FAM135B: variants seen among roughly 807,000 people sequenced by gnomAD.
FAM135B encodes the protein protein FAM135B.
FAM135B carries 43 observed loss-of-function variants against 127.7 expected under a neutral mutation model. That is an observed-to-expected ratio of 0.34 (90% CI 0.26 to 0.43). The LOEUF (loss-of-function observed/expected upper bound fraction) is 0.43. FAM135B is among the 20% of genes least tolerant of loss of function. FAM135B has a pLI of 1.00. For synonymous variants in FAM135B, 670 were observed against 665.1 expected (o/e 1.01, Z -0.11); for missense variants, 1,558 against 1,725.6 (o/e 0.90, Z 1.72).
At chr8:138,227,416 C>G (rs1271898249) in intron 7 of FAM135B, among the ~76,000 whole-genome samples, 1 of 152,232 alleles carries the variant, frequency 6.6e-6, no homozygotes, top group Non-Finnish European at 1.5e-5. Context: ...TCCAGCCCTG[C>G]TGGGACCTGC....
intron 1 of FAM135B, among the ~76,000 whole-genome samples, chr8:138,393,881 G>A (rs1832723401): frequency 6.6e-6 from 1 of 152,182 alleles, no homozygotes; most frequent in Non-Finnish European, 1.5e-5. Flanking sequence ...ACCCATATCT[G>A]GAACCCAGGC....
At chr8:138,339,099 G>A (rs1187635196) in intron 2 of FAM135B, among the ~76,000 whole-genome samples, 4 of 147,174 alleles carry the variant, frequency 2.7e-5, no homozygotes, top group East Asian at 2.0e-4. Context: ...ATCACACACC[G>A]GGGCCTGTCA....
chr8:138,202,533 T>C (rs1175179656), intron 7 of FAM135B, among the ~76,000 whole-genome samples: 1 of 152,192 alleles, frequency 6.6e-6, no homozygotes, highest in Non-Finnish European at 1.5e-5. Flanking sequence ...ATTCCAGGCA[T>C]GAGCCATGCC....
chr8:138,486,761 G>A (rs551742735), intron 1 of FAM135B, among the ~76,000 whole-genome samples: 1 of 152,268 alleles, frequency 6.6e-6, no homozygotes, highest in East Asian at 1.9e-4. Flanking sequence ...TACCTGCTCA[G>A]CCAATCACTT....
chr8:138,266,989 G>A (rs1392494373), intron 3 of FAM135B, among the ~76,000 whole-genome samples: 1 of 152,058 alleles, frequency 6.6e-6, no homozygotes, highest in Non-Finnish European at 1.5e-5. Context: ...AACCCATAAG[G>A]TAAATTTTAC....
intron 2 of FAM135B, among the ~76,000 whole-genome samples, chr8:138,334,221 C>T (rs1161241798): frequency 6.6e-6 from 1 of 152,146 alleles, no homozygotes; most frequent in Admixed American, 6.5e-5. Context: ...CCATGTCCGG[C>T]CCCATCTCTC....
intron 19 of FAM135B, among the ~76,000 whole-genome samples, chr8:138,135,561 A>G (rs1346375126): frequency 6.6e-6 from 1 of 152,220 alleles, no homozygotes; most frequent in Non-Finnish European, 1.5e-5. Flanking sequence ...GGCAGGCACG[A>G]ATATACTCTA....
At chr8:138,217,684 G>A (rs1818676705) in intron 7 of FAM135B, among the ~76,000 whole-genome samples, 1 of 152,092 alleles carries the variant, frequency 6.6e-6, no homozygotes, top group Admixed American at 6.5e-5. Context: ...GCTCGCCTCA[G>A]CTTACCAAAG....
At chr8:138,248,572 T>C (rs1188923989) in intron 6 of FAM135B, among the ~76,000 whole-genome samples, 1 of 152,022 alleles carries the variant, frequency 6.6e-6, no homozygotes, top group Non-Finnish European at 1.5e-5. Context: ...ATAATCCTAG[T>C]ACTTTGGGAG....
intron 2 of FAM135B, among the ~76,000 whole-genome samples, chr8:138,344,238 A>G (rs1829246669): frequency 6.6e-6 from 1 of 152,228 alleles, no homozygotes. Context: ...CATGTCAAGA[A>G]TGACTCTGGG....
chr8:138,303,289 C>T (rs1290042947), intron 3 of FAM135B, among the ~76,000 whole-genome samples: 2 of 152,150 alleles, frequency 1.3e-5, no homozygotes, highest in African/African-American at 4.8e-5. Flanking sequence ...TTTGCAGGAT[C>T]ATGGATGAAG....
At chr8:138,408,031 C>A (rs1403088128) in intron 1 of FAM135B, among the ~76,000 whole-genome samples, 1 of 152,088 alleles carries the variant, frequency 6.6e-6, no homozygotes, top group Non-Finnish European at 1.5e-5. Flanking sequence ...CTTTGTTGTT[C>A]CATTTCTAGA....
chr8:138,240,508 G>C (rs1192811356), intron 7 of FAM135B, among the ~76,000 whole-genome samples: 1 of 152,148 alleles, frequency 6.6e-6, no homozygotes, highest in Non-Finnish European at 1.5e-5. Context: ...TTGCTTCTCA[G>C]CTTCCTACAT....
intron 3 of FAM135B, among the ~76,000 whole-genome samples, chr8:138,266,354 T>C (rs1822922126): frequency 6.6e-6 from 1 of 152,118 alleles, no homozygotes; most frequent in Admixed American, 6.6e-5. Flanking sequence ...GTGCTAATCC[T>C]ATTATGCTGT....
intron 1 of FAM135B, among the ~76,000 whole-genome samples, chr8:138,460,953 G>A (rs1335466532): frequency 6.6e-6 from 1 of 152,162 alleles, no homozygotes; most frequent in African/African-American, 2.4e-5. Context: ...GCGGGGCCTG[G>A]CATCATACAG....
chr8:138,355,120 G>T (rs943231705), intron 2 of FAM135B, among the ~76,000 whole-genome samples: 2 of 152,004 alleles, frequency 1.3e-5, no homozygotes, highest in Non-Finnish European at 2.9e-5. Context: ...CACTGTTGGT[G>T]GGACTGTAAG....
At chr8:138,428,364 A>G (rs571297512) in intron 1 of FAM135B, among the ~76,000 whole-genome samples, 7 of 152,090 alleles carry the variant, frequency 4.6e-5, no homozygotes, top group African/African-American at 1.7e-4. Flanking sequence ...TGACTACTGA[A>G]ATTACGAACT....
intron 9 of FAM135B, among the ~76,000 whole-genome samples, chr8:138,193,533 C>T (rs1029125282): frequency 6.6e-6 from 1 of 152,172 alleles, no homozygotes; most frequent in Non-Finnish European, 1.5e-5. Flanking sequence ...TGGAAAGCTG[C>T]CTGTTCCTGT....
intron 13 of FAM135B, 37 bp from the exon 14 acceptor site, chr8:138,148,723 G>C (rs2130696192): frequency 6.6e-7 from 1 of 1,509,856 alleles, no homozygotes; most frequent in Non-Finnish European, 9.1e-7. Context: ...GCCAAGCTGT[G>C]TACTTCATGT....
Sources: gnomAD v4.1 joint callset for allele counts (sites outside exome capture counted in the v4.1 genomes callset) on GRCh38, gnomAD v4.1.1 for gene constraint, MANE v1.5 for transcripts, NCBI Gene and HGNC (gene_info 2026-07-23, HGNC 2026-07-21) for gene names.